The following COL5A1 variants were observed in gnomAD, a reference collection of about 807,000 sequenced individuals.
COL5A1 encodes collagen alpha-1(V) chain.
In COL5A1, 16 loss-of-function variants were observed where a neutral mutation model predicts 263.7. That is an observed-to-expected ratio of 0.06 (90% CI 0.04 to 0.09). COL5A1 has a LOEUF of 0.09. Ranked by LOEUF, COL5A1 falls within the 10% of genes least tolerant of loss-of-function variation. The probability of loss-of-function intolerance (pLI) is 1.00; values close to 1 mark genes in which losing one functional copy is unlikely to be tolerated. For missense variants in COL5A1, 2,036 were observed against 2,540.5 expected (o/e 0.80, Z 4.27); for synonymous variants, 1,012 against 1,004.5 (o/e 1.01, Z -0.14).
intron 48 of COL5A1, among the ~76,000 whole-genome samples, chr9:134,813,644 C>T (rs113107274): frequency 1.3e-5 from 2 of 152,248 alleles, no homozygotes; most frequent in Non-Finnish European, 2.9e-5. Context: ...CCTCCTGCCT[C>T]GGCCCTGGCC....
chr9:134,779,954 G>A, intron 27 of COL5A1, 148 bp from the exon 28 acceptor site: 1 of 847,716 alleles, frequency 1.2e-6, no homozygotes, highest in Non-Finnish European at 2.0e-6. Flanking sequence ...GCCACAGGGG[G>A]ACATATGGGA....
chr9:134,784,950 G>GTGGGT (rs779225921), intron 29 of COL5A1, 39 bp from the exon 30 acceptor site: 4 of 1,470,624 alleles, frequency 2.7e-6, no homozygotes, highest in Non-Finnish European at 3.8e-6. Context: ...GTGTGTGTGC[G>GTGGGT]GGGGGTGGTC....
rs924482669 is a variant in COL5A1, at chr9:134,716,123, G to A, written c.655-11143G>A. Among the ~76,000 whole-genome samples the A allele has an allele frequency of 1.3e-5, 2 of 152,178 alleles. No individual in the cohort carries two copies. The highest frequency in any genetic ancestry group is 1.3e-4 in the Admixed American group (2 of 15,274). ...TTTGGTGCTGGTGGTGGCTGTGGAG[G>A]CTGTGCTAGTGGATGCTGATTGCTC... On this transcript the variant is annotated intron_variant, in intron 4 of 65. Transcript: ENST00000371817. This position sits in a 1 kb window ranked among gnomAD's most constrained non-coding sequence, Gnocchi z 4.5.
chr9:134,759,867 C>T (rs184243842), intron 18 of COL5A1, among the ~76,000 whole-genome samples: 3,320 of 77,900 alleles, frequency 0.043, 116 homozygotes, highest in Non-Finnish European at 0.065. Context: ...CCCACACTCA[C>T]ACATGCACAC....
intron 31 of COL5A1, among the ~76,000 whole-genome samples, chr9:134,788,168 G>A (rs1337872932): frequency 6.6e-6 from 1 of 151,348 alleles, no homozygotes; most frequent in African/African-American, 2.4e-5. Context: ...ATAGACAAGT[G>A]GATGAATGGA....
intron 42 of COL5A1, among the ~76,000 whole-genome samples, chr9:134,808,693 T>C (rs909599373): frequency 2.0e-5 from 3 of 152,230 alleles, no homozygotes; most frequent in Admixed American, 6.5e-5. Flanking sequence ...TATGCACATG[T>C]GTGTGCGTAC....
intron 37 of COL5A1, among the ~76,000 whole-genome samples, chr9:134,798,940 G>A (rs1008906262): frequency 6.6e-6 from 1 of 152,224 alleles, no homozygotes; most frequent in African/African-American, 2.4e-5. Context: ...CTTCAAGAGG[G>A]CGGCTGTGGG....
At chr9:134,805,256 C>T (rs201547198) in intron 41 of COL5A1, 42 bp downstream of exon 41, 365 of 1,609,398 alleles carry the variant, frequency 2.3e-4, no homozygotes, top group Non-Finnish European at 2.9e-4. Flanking sequence ...TTGAATCCTA[C>T]TCTCCAGGTC....
At position 134,761,142 on chromosome 9, in the gene COL5A1, T is replaced by C. The variant is rs117444953; in HGVS notation, c.1936-783T>C. Among the ~76,000 whole-genome samples the C allele has an allele frequency of 2.8e-3, 371 of 133,062 alleles. 2 individuals are homozygous for C. The highest frequency in any genetic ancestry group is 4.5e-3 in the South Asian group (18 of 4,016). The allele number at this position is 133,062 out of a possible 152,430, so 87.3% of individuals were successfully genotyped here. The stretch of plus-strand genomic sequence containing the variant: ...ATGCACACTCATACCCCCACATGCA[T>C]ACACGCCACGCACACGCATACACAC... On this transcript the variant is annotated intron_variant, in intron 18 of 65. Coordinates refer to ENST00000371817, the MANE Select transcript of COL5A1 (RefSeq NM_000093.5).
At chr9:134,747,432 C>T (rs1835557433) in intron 11 of COL5A1, among the ~76,000 whole-genome samples, 1 of 152,188 alleles carries the variant, frequency 6.6e-6, no homozygotes, top group Non-Finnish European at 1.5e-5. Context: ...CATGCACAGA[C>T]ACACATGCAC....
chr9:134,816,395 A>G (rs1838746581), intron 52 of COL5A1, among the ~76,000 whole-genome samples: 1 of 152,174 alleles, frequency 6.6e-6, no homozygotes, highest in Admixed American at 6.5e-5. Flanking sequence ...CTTGGCGTTG[A>G]GTGTTTTAAA....
At chr9:134,822,193 G>A in intron 59 of COL5A1, 43 bp downstream of exon 59, 4 of 1,134,890 alleles carry the variant, frequency 3.5e-6, no homozygotes, top group Non-Finnish European at 5.3e-6. Flanking sequence ...GGAGGGCAGG[G>A]AGGGTGGGGA....
rs940254042 is a variant in COL5A1 at position 134,780,281 on chromosome 9, A to G, written c.2430+135A>G. 4.4e-5 allele frequency: 38 copies of G among 864,400 alleles called. 2 individuals carry two copies. In the South Asian group the frequency reaches 5.0e-4, roughly 11 times the overall value. The allele number at this position is 864,400 out of a possible 1,614,324, so 53.5% of individuals were successfully genotyped here. On this transcript the variant is annotated intron_variant, in intron 28 of 65. Coordinates refer to ENST00000371817, the MANE Select transcript of COL5A1 (RefSeq NM_000093.5). The stretch of plus-strand genomic sequence containing the variant: ...CGCCTCTGAGTACTGAGGGGGATGG[A>G]TGCCACTCTGTGGAAAGTGTCTCTG...
chr9:134,645,171 TCTCCAGTGA>T (rs1278362584), intron 1 of COL5A1, among the ~76,000 whole-genome samples: 1 of 152,194 alleles, frequency 6.6e-6, no homozygotes. Flanking sequence ...CACAGTGGTT[TCTCCAGTGA>T]TGTTACTCCT....
intron 17 of COL5A1, 42 bp downstream of exon 17, chr9:134,756,860 C>T (rs771381685): frequency 6.3e-7 from 1 of 1,586,584 alleles, no homozygotes; most frequent in East Asian, 2.2e-5. Context: ...GCATCACTGT[C>T]ATCCCTGGGG....
chr9:134,822,833 C>G, intron 59 of COL5A1, 165 bp from the exon 60 acceptor site: 1 of 833,140 alleles, frequency 1.2e-6, no homozygotes, highest in East Asian at 2.7e-5. Flanking sequence ...CAGCCAGGCC[C>G]CGACCCTCCT....
At chr9:134,704,247 C>T (rs3109669) in intron 4 of COL5A1, among the ~76,000 whole-genome samples, 67,608 of 151,596 alleles carry the variant, frequency 0.45, 16,020 homozygotes, top group Admixed American at 0.61. Context: ...CTGACCGCTC[C>T]GAGACTCAGT....
rs1303574240 is a variant in COL5A1 at position 134,691,094 on chromosome 9, C to T, written c.277+15C>T. On this transcript the variant is annotated intron_variant, in intron 2 of 65. Coordinates refer to ENST00000371817, the MANE Select transcript of COL5A1 (RefSeq NM_000093.5). The stretch of plus-strand genomic sequence containing the variant: ...GCTGTACCCTGGTAAGTGCCGCACC[C>T]TTCTGTTTGGGGCGGTGGGTCCCGT... 6.2e-7 allele frequency: 1 copy of T among 1,612,152 alleles called. No individual in the cohort carries two copies. Among genetic ancestry groups the T allele is most frequent in the Non-Finnish European group, 8.5e-7 (1 of 1,180,038 alleles).
intron 1 of COL5A1, among the ~76,000 whole-genome samples, chr9:134,654,592 TG>T (rs1210214513): frequency 6.5e-5 from 7 of 107,486 alleles, no homozygotes; most frequent in East Asian, 3.1e-4. Flanking sequence ...TGTGTAGGGC[TG>T]GGAGTGTGTA....
Sources: allele counts gnomAD v4.1 joint callset (sites outside exome capture counted in the v4.1 genomes callset), GRCh38; gene constraint gnomAD v4.1.1; non-coding constraint Gnocchi (gnomAD v3.1); transcripts MANE v1.5; gene names NCBI Gene and HGNC (gene_info 2026-07-23, HGNC 2026-07-21).